The following FBXO25 variants were observed in gnomAD, a reference collection of about 807,000 sequenced individuals.
FBXO25 encodes the protein F-box protein 25.
A neutral mutation model predicts 51.9 loss-of-function variants in FBXO25; 45 were observed. That is an observed-to-expected ratio of 0.87 (90% CI 0.68 to 1.11). The LOEUF (loss-of-function observed/expected upper bound fraction) is 1.11, where lower values mean the gene tolerates loss of function less well. Among genes scored for constraint, FBXO25 ranks in the 50% most tolerant of loss-of-function variants. FBXO25 has a pLI of 0.00. For missense variants in FBXO25, 507 were observed against 428.5 expected, an observed-to-expected ratio of 1.18 and a Z score of -1.62; for synonymous variants, 199 against 151.0, an observed-to-expected ratio of 1.32 and a Z score of -2.33.
At chr8:465,986 G>C (rs60713715) in intron 9 of FBXO25, among the ~76,000 whole-genome samples, 2,030 of 152,194 alleles carry the variant, frequency 0.013, 49 homozygotes, top group African/African-American at 0.045. Flanking sequence ...TCCTAGGAAG[G>C]ACAGCTGCCC....
Position 418,759 on chromosome 8 carries a change from A to G in FBXO25, c.134+5546A>G, listed in dbSNP as rs567329803. 1.1e-4 allele frequency among the ~76,000 whole-genome samples: 17 copies of G among 152,344 alleles called. No individual in the cohort carries two copies. In the South Asian group the frequency reaches 3.5e-3, roughly 32 times the overall value. On this transcript the variant is annotated intron_variant, in intron 2 of 9. Transcript: ENST00000350302. ...ACAAAACACTAGGATGCACAGTGCAACAACAGGAGAAATCAAAGTTTTTTT... is the reference window on the plus strand; with the variant it reads ...ACAAAACACTAGGATGCACAGTGCAGCAACAGGAGAAATCAAAGTTTTTTT...
intron 2 of FBXO25, among the ~76,000 whole-genome samples, chr8:417,939 C>T (rs13259181): frequency 1.3e-5 from 2 of 152,116 alleles, no homozygotes; most frequent in Non-Finnish European, 2.9e-5. Context: ...CTAATAGAAT[C>T]GTATATTTAA....
chr8:417,476 T>A (rs1012688908), intron 2 of FBXO25, among the ~76,000 whole-genome samples: 4 of 152,192 alleles, frequency 2.6e-5, no homozygotes, highest in Non-Finnish European at 4.4e-5. Flanking sequence ...GGAATGTGTA[T>A]GGTGCAGTAA....
chr8:420,757 A>T (rs1288652868), intron 2 of FBXO25, among the ~76,000 whole-genome samples: 4 of 152,236 alleles, frequency 2.6e-5, no homozygotes, highest in African/African-American at 4.8e-5. Context: ...CGAACAAATC[A>T]GTGGTTGCCA....
Position 461,617 on chromosome 8 carries a change from A to T in FBXO25, c.844-1390A>T, listed in dbSNP as rs567442893. Reference sequence around the variant, plus strand: ...AAGATTTGGCGGGGGACACAGCTAAAACATCAGCATCACCTCAGGAAAAAC... The same window carrying T: ...AAGATTTGGCGGGGGACACAGCTAATACATCAGCATCACCTCAGGAAAAAC... On this transcript the variant is annotated intron_variant, in intron 8 of 9. Coordinates refer to ENST00000350302, the MANE Select transcript of FBXO25 (RefSeq NM_183420.2). Among the ~76,000 whole-genome samples the T allele has an allele frequency of 2.0e-5, 3 of 152,296 alleles. No individual in the cohort carries two copies. The East Asian group carries it at 5.8e-4, about 29-fold the overall frequency.
In FBXO25 at chr8:440,277, A is replaced by G. The variant is rs376510875; in HGVS notation, c.381+4570A>G. Among the ~76,000 whole-genome samples the G allele has an allele frequency of 1.2e-4, 18 of 152,374 alleles. No individual in the cohort carries two copies. The South Asian group carries it at 3.1e-3, about 26-fold the overall frequency. On this transcript the variant is annotated intron_variant, in intron 5 of 9. Coordinates refer to ENST00000350302, the MANE Select transcript of FBXO25 (RefSeq NM_183420.2). The stretch of plus-strand genomic sequence containing the variant: ...TTAGAAAGATTAGATTAGTTCCATC[A>G]TAGGAAGCTCTTGGAACAGTCTGTA...
intron 2 of FBXO25, among the ~76,000 whole-genome samples, chr8:416,073 C>G (rs973929329): frequency 4.6e-5 from 7 of 152,138 alleles, no homozygotes; most frequent in African/African-American, 1.7e-4. Context: ...CCTTGTTCAC[C>G]CACTCATTTA....
rs1800548206 is a variant in FBXO25, at chr8:473,519, A to G, written c.*4715A>G. 1 of 152,178 alleles carries G rather than the reference A, an allele frequency of 6.6e-6. No individual in the cohort carries two copies. The highest frequency in any genetic ancestry group is 1.5e-5 in the Non-Finnish European group (1 of 68,060). The allele number at this position is 152,178 out of a possible 1,614,324, so 9.4% of individuals were successfully genotyped here. On this transcript the variant is annotated 3_prime_UTR_variant, in exon 10 of 10. Coordinates refer to ENST00000350302, the MANE Select transcript of FBXO25 (RefSeq NM_183420.2). ...TGCTTTTCACGTGAATGCCTAGGAG[A>G]GGCTGTTAACCCTCCTAGTTGTCCT... is the stretch of plus-strand genomic sequence containing the variant.
chr8:437,336 G>C (rs559911715), intron 5 of FBXO25, among the ~76,000 whole-genome samples: 1 of 152,218 alleles, frequency 6.6e-6, no homozygotes, highest in Non-Finnish European at 1.5e-5. Context: ...GATGTGGAGC[G>C]AGGGAACTGG....
chr8:476,589 G>C lies in FBXO25; in HGVS notation c.*7785G>C, dbSNP rs934541738. 1 of 152,088 alleles carries C rather than the reference G, an allele frequency of 6.6e-6. No individual in the cohort carries two copies. The highest frequency in any genetic ancestry group is 1.5e-5 in the Non-Finnish European group (1 of 67,992). 9.4% of individuals were successfully genotyped at this position (152,088 alleles called of 1,614,324 possible). ...TCATGATTCAATCTTGATAGGCTGT[G>C]TGTTTCTAAGAATTTGTCCAGTTCA... On this transcript the variant is annotated 3_prime_UTR_variant, in exon 10 of 10. Transcript: ENST00000350302.
intron 3 of FBXO25, among the ~76,000 whole-genome samples, chr8:432,030 A>G (rs776504732): frequency 2.6e-5 from 4 of 152,188 alleles, no homozygotes; most frequent in Non-Finnish European, 4.4e-5. Flanking sequence ...ACACACTTAT[A>G]ATAAAGTTTA....
At chr8:447,758 T>C (rs1413956107) in intron 5 of FBXO25, among the ~76,000 whole-genome samples, 1 of 152,216 alleles carries the variant, frequency 6.6e-6, no homozygotes, top group Non-Finnish European at 1.5e-5. Context: ...TTTTTAATAA[T>C]TTTGTGCAAC....
At chr8:465,602 G>A (rs1800105526) in intron 9 of FBXO25, among the ~76,000 whole-genome samples, 1 of 152,186 alleles carries the variant, frequency 6.6e-6, no homozygotes. Flanking sequence ...TGAAATGCCT[G>A]GGACTTGAAG....
At chr8:444,279 G>C (rs1798605698) in intron 5 of FBXO25, among the ~76,000 whole-genome samples, 1 of 152,170 alleles carries the variant, frequency 6.6e-6, no homozygotes, top group Non-Finnish European at 1.5e-5. Flanking sequence ...AGAGGTAGTG[G>C]ATGTTGTTGT....
At chr8:463,185 T>C (rs1260026147) in intron 9 of FBXO25, 35 bp downstream of exon 9, 5 of 1,599,530 alleles carry the variant, frequency 3.1e-6, no homozygotes, top group African/African-American at 1.3e-5. Context: ...AATTTCAGGA[T>C]TAAATTTTGG....
chr8:460,519 A>G (rs1350091391), intron 8 of FBXO25, among the ~76,000 whole-genome samples: 2 of 152,252 alleles, frequency 1.3e-5, no homozygotes. Context: ...TCCTCAAAGT[A>G]AAAACTAGAT....
intron 2 of FBXO25, among the ~76,000 whole-genome samples, chr8:429,809 A>T (rs966259431): frequency 3.9e-5 from 6 of 152,248 alleles, no homozygotes; most frequent in Non-Finnish European, 5.9e-5. Context: ...AGGCAGGCCC[A>T]GGAAGTGTCC....
Position 470,183 on chromosome 8 carries a change from C to G in FBXO25, c.*1379C>G, listed in dbSNP as rs1800434189. 1 of 152,062 alleles carries G rather than the reference C, an allele frequency of 6.6e-6. No homozygotes were observed. Among genetic ancestry groups the G allele is most frequent in the African/African-American group, 2.4e-5 (1 of 41,408 alleles). 9.4% of individuals were successfully genotyped at this position (152,062 alleles called of 1,614,324 possible). On this transcript the variant is annotated 3_prime_UTR_variant, in exon 10 of 10. Coordinates refer to ENST00000350302, the MANE Select transcript of FBXO25 (RefSeq NM_183420.2). ...CCAGATGGAACAGGCTTTTTCATCA[C>G]AACATATTGGGGTTCCTGAGTGTCT... is the stretch of plus-strand genomic sequence containing the variant.
At chr8:443,068 A>T (rs1476285905) in intron 5 of FBXO25, among the ~76,000 whole-genome samples, 5 of 151,824 alleles carry the variant, frequency 3.3e-5, no homozygotes, top group African/African-American at 1.2e-4. Flanking sequence ...CATTGAAGGA[A>T]GTGCTCCTCA....
Sources: allele counts gnomAD v4.1 joint callset (sites outside exome capture counted in the v4.1 genomes callset), GRCh38; gene constraint gnomAD v4.1.1; transcripts MANE v1.5; gene names NCBI Gene and HGNC (gene_info 2026-07-23, HGNC 2026-07-21).